KCTD16: variants seen among roughly 807,000 people sequenced by gnomAD.
KCTD16 encodes BTB/POZ domain-containing protein KCTD16.
KCTD16 carries 13 observed loss-of-function variants against 33.2 expected under a neutral mutation model. The ratio of observed to expected loss-of-function variants is 0.39; its 90% CI spans 0.25 to 0.62. The LOEUF (loss-of-function observed/expected upper bound fraction) is 0.62, where lower values mean the gene tolerates loss of function less well. Ranked by LOEUF, KCTD16 falls within the 20% of genes least tolerant of loss-of-function variation. The pLI, the probability that KCTD16 is intolerant of heterozygous loss-of-function variation, is 0.50. For missense variants in KCTD16, 441 were observed against 525.1 expected, an observed-to-expected ratio of 0.84 and a Z score of 1.57; for synonymous variants, 197 against 195.3, an observed-to-expected ratio of 1.01 and a Z score of -0.07.
intron 3 of KCTD16, among the ~76,000 whole-genome samples, chr5:144,363,710 C>T (rs546153139): frequency 2.0e-5 from 3 of 152,166 alleles, no homozygotes; most frequent in African/African-American, 7.2e-5. Context: ...ATCGCCTAGT[C>T]TCATTTCATT....
intron 3 of KCTD16, among the ~76,000 whole-genome samples, chr5:144,341,158 G>A (rs1752631374): frequency 6.6e-6 from 1 of 152,116 alleles, no homozygotes; most frequent in African/African-American, 2.4e-5. Flanking sequence ...TTGTTGTTTA[G>A]CCATGCAATA....
intron 3 of KCTD16, among the ~76,000 whole-genome samples, chr5:144,446,260 T>G (rs1422948919): frequency 6.6e-6 from 1 of 151,876 alleles, no homozygotes; most frequent in Non-Finnish European, 1.5e-5. Context: ...TCCTACATGG[T>G]GATCTTTTTA....
chr5:144,372,879 G>A lies in KCTD16; in HGVS notation c.833-100781G>A, dbSNP rs190715111. 3.2e-3 allele frequency among the ~76,000 whole-genome samples: 484 copies of A among 152,288 alleles called. 5 individuals are homozygous for A. Among genetic ancestry groups the A allele is most frequent in the African/African-American group, 0.011 (461 of 41,562 alleles). ...TGTGAAGAGCTGTAAGAGTAGAAGG[G>A]TGACAGCTTTATTTCATTTTTTTGC... On this transcript the variant is annotated intron_variant, in intron 3 of 3. Coordinates refer to ENST00000512467, the MANE Select transcript of KCTD16 (RefSeq NM_020768.4).
intron 2 of KCTD16, among the ~76,000 whole-genome samples, chr5:144,199,094 G>A (rs538811664): frequency 1.3e-5 from 2 of 152,236 alleles, no homozygotes; most frequent in South Asian, 4.2e-4. Context: ...AAAGACATTT[G>A]AGATATTTAT....
intron 2 of KCTD16, among the ~76,000 whole-genome samples, chr5:144,188,333 A>C (rs936282067): frequency 1.3e-5 from 2 of 152,232 alleles, no homozygotes; most frequent in African/African-American, 4.8e-5. Context: ...TTCTCATCCT[A>C]GATCTGTTTT....
chr5:144,383,309 T>C (rs1752254919), intron 3 of KCTD16, among the ~76,000 whole-genome samples: 1 of 152,200 alleles, frequency 6.6e-6, no homozygotes, highest in Non-Finnish European at 1.5e-5. Flanking sequence ...TTTCTCTGCG[T>C]CAGAGCTGCC....
intron 3 of KCTD16, among the ~76,000 whole-genome samples, chr5:144,421,301 C>T (rs1473238995): frequency 1.3e-5 from 2 of 152,110 alleles, no homozygotes; most frequent in African/African-American, 4.8e-5. Flanking sequence ...CTTCTCTCTG[C>T]AAAAAGGTGA....
At chr5:144,274,340 G>T (rs1755385571) in intron 3 of KCTD16, among the ~76,000 whole-genome samples, 2 of 152,084 alleles carry the variant, frequency 1.3e-5, no homozygotes, top group South Asian at 2.1e-4. Context: ...TAGGTTAAGG[G>T]TTACTATAGA....
intron 3 of KCTD16, among the ~76,000 whole-genome samples, chr5:144,292,511 T>C (rs1338768726): frequency 6.6e-6 from 1 of 152,132 alleles, no homozygotes; most frequent in African/African-American, 2.4e-5. Context: ...TGAAAGAAAT[T>C]GTTAGAGGTG....
intron 3 of KCTD16, among the ~76,000 whole-genome samples, chr5:144,445,198 T>G (rs1753794429): frequency 6.6e-6 from 1 of 151,998 alleles, no homozygotes; most frequent in Non-Finnish European, 1.5e-5. Context: ...CATTCTCTTT[T>G]GTGTTTATGT....
At chr5:144,183,816 A>C (rs568653904) in intron 2 of KCTD16, among the ~76,000 whole-genome samples, 26 of 152,350 alleles carry the variant, frequency 1.7e-4, no homozygotes, top group African/African-American at 5.8e-4. Flanking sequence ...TAAATGAATC[A>C]AGGCTAGAAC....
At chr5:144,305,360 C>T (rs1751573514) in intron 3 of KCTD16, among the ~76,000 whole-genome samples, 1 of 152,150 alleles carries the variant, frequency 6.6e-6, no homozygotes, top group Admixed American at 6.5e-5. Context: ...CAGAATGTGA[C>T]TGTATTTGGA....
chr5:144,455,358 C>T (rs575821738), intron 3 of KCTD16, among the ~76,000 whole-genome samples: 140 of 152,106 alleles, frequency 9.2e-4, no homozygotes, highest in East Asian at 3.7e-3. Flanking sequence ...CATCATATGA[C>T]GAAGCGGGGG....
chr5:144,238,104 A>C (rs1335344622), intron 3 of KCTD16, among the ~76,000 whole-genome samples: 1 of 152,148 alleles, frequency 6.6e-6, no homozygotes, highest in Non-Finnish European at 1.5e-5. Context: ...AAGTTCTGCA[A>C]ATGTTTCTCA....
chr5:144,324,185 A>G (rs1752145850), intron 3 of KCTD16, among the ~76,000 whole-genome samples: 1 of 152,108 alleles, frequency 6.6e-6, no homozygotes, highest in African/African-American at 2.4e-5. Context: ...TACATTTACC[A>G]TGATGTAACT....
At chr5:144,361,660 T>C (rs893526053) in intron 3 of KCTD16, among the ~76,000 whole-genome samples, 1 of 152,194 alleles carries the variant, frequency 6.6e-6, no homozygotes, top group Admixed American at 6.5e-5. Flanking sequence ...GAAAAGACTG[T>C]ATGACAAGTG....
rs541226738 is a variant in KCTD16, at chr5:144,186,360, A to AAG, written c.-327+11889_-327+11890insGA. ...CTAGATCTCATTTTTTTTAAAAAAA[A>AAG]AAAGAAAAAAAAAAAAACTAATGGC... is the stretch of plus-strand genomic sequence containing the variant. On this transcript the variant is annotated intron_variant, in intron 2 of 3. Transcript: ENST00000512467. Among the ~76,000 whole-genome samples, 65 of 49,664 alleles carry AAG rather than the reference A, an allele frequency of 1.3e-3. 2 individuals carry two copies. The highest frequency in any genetic ancestry group is 3.9e-3 in the African/African-American group (46 of 11,918). The allele number at this position is 49,664 out of a possible 152,430, so 32.6% of individuals were successfully genotyped here.
intron 3 of KCTD16, among the ~76,000 whole-genome samples, chr5:144,473,367 G>T (rs1352613282): frequency 6.6e-6 from 1 of 152,164 alleles, no homozygotes; most frequent in Non-Finnish European, 1.5e-5. Flanking sequence ...GTGCCAAGGT[G>T]ACAAGCTTAA....
intron 3 of KCTD16, among the ~76,000 whole-genome samples, chr5:144,443,065 T>C (rs997874505): frequency 6.6e-6 from 1 of 152,158 alleles, no homozygotes; most frequent in African/African-American, 2.4e-5. Flanking sequence ...CTCTTGGCCT[T>C]GTTTGCCTAG....
Sources: allele counts gnomAD v4.1 joint callset (sites outside exome capture counted in the v4.1 genomes callset), GRCh38; gene constraint gnomAD v4.1.1; transcripts MANE v1.5; gene names NCBI Gene and HGNC (gene_info 2026-07-23, HGNC 2026-07-21).